Variants in KIF24 observed in about 807,000 individuals in gnomAD.
The protein encoded by KIF24 is kinesin-like protein KIF24.
A neutral mutation model predicts 118.9 loss-of-function variants in KIF24; 81 were observed. That is an observed-to-expected ratio of 0.68 (90% CI 0.57 to 0.82). The LOEUF (loss-of-function observed/expected upper bound fraction) is 0.82, where lower values mean the gene tolerates loss of function less well. Among genes scored for constraint, KIF24 ranks in the 40% least tolerant of loss-of-function variants. KIF24 has a pLI of 0.00. For synonymous variants in KIF24, 599 were observed against 610.0 expected (o/e 0.98, Z 0.27); for missense variants, 1,560 against 1,661.6 (o/e 0.94, Z 1.06).
intron 1 of KIF24, among the ~76,000 whole-genome samples, chr9:34,323,324 C>T (rs1022222148): frequency 2.6e-5 from 4 of 152,156 alleles, no homozygotes; most frequent in Non-Finnish European, 5.9e-5. Context: ...TACAATTCCC[C>T]TCAAGAGCCC....
chr9:34,298,073 A>T (rs1460822058), intron 3 of KIF24, among the ~76,000 whole-genome samples: 1 of 152,156 alleles, frequency 6.6e-6, no homozygotes, highest in Admixed American at 6.6e-5. Context: ...AATGGACCAC[A>T]GGGGAAGAAG....
At position 34,257,178 on chromosome 9, in the gene KIF24, G is replaced by A; in HGVS notation, c.2429C>T (p.Ser810Phe). ...LTNETPPLFH[S>F]YSENHDGAQV... ...GGCTCCATCATGGTTTTCAGAGTAA[G>A]AGTGGAACAGAGGCGGAGTCTCATT... is the stretch of plus-strand genomic sequence containing the variant. The change falls in exon 11 of 13, where the codon TCT (serine) becomes TTT (phenylalanine). Residue 810 changes from serine to phenylalanine, a missense_variant. Physicochemically the swap from Ser to Phe is radical, Grantham distance 155. Around this residue, in one of 3 missense-constraint regions of KIF24, gnomAD observed 964 missense variants for 988.0 expected, o/e 0.98. Coordinates refer to ENST00000402558, the MANE Select transcript of KIF24 (RefSeq NM_194313.4). 6.2e-7 allele frequency: 1 copy of A among 1,614,050 alleles called. No homozygotes were observed. Among genetic ancestry groups the A allele is most frequent in the East Asian group, 2.2e-5 (1 of 44,886 alleles).
rs556794515 is a variant in KIF24, at chr9:34,286,081, C to A, written c.1215+536G>T. On this transcript the variant is annotated intron_variant, in intron 6 of 12. Transcript: ENST00000402558. ...GGGTGCGGTGGCTCACGGCTGTAATCCCAGCACTTTGGGAGGTCGAGGCGG... is the reference window on the plus strand; with the variant it reads ...GGGTGCGGTGGCTCACGGCTGTAATACCAGCACTTTGGGAGGTCGAGGCGG... Among the ~76,000 whole-genome samples, 149 of 152,104 alleles carry A rather than the reference C, an allele frequency of 9.8e-4. 1 individual carries two copies. The highest frequency in any genetic ancestry group is 3.2e-3 in the African/African-American group (134 of 41,504).
chr9:34,327,836 A>C (rs1441788757), intron 1 of KIF24, among the ~76,000 whole-genome samples: 7 of 66,246 alleles, frequency 1.1e-4, no homozygotes, highest in Non-Finnish European at 2.8e-4. Flanking sequence ...CATTTTCTCT[A>C]ATAAAAAAAA....
At chr9:34,272,330 C>T (rs943733260) in intron 6 of KIF24, among the ~76,000 whole-genome samples, 16 of 152,220 alleles carry the variant, frequency 1.1e-4, no homozygotes, top group African/African-American at 3.6e-4. Flanking sequence ...TGACTAATCA[C>T]ATCCACCTGT....
At chr9:34,289,000 T>C (rs191141111) in intron 5 of KIF24, among the ~76,000 whole-genome samples, 51 of 152,084 alleles carry the variant, frequency 3.4e-4, no homozygotes, top group African/African-American at 9.2e-4. Flanking sequence ...GAAGCTGTGA[T>C]TGAGCTAATT....
intron 6 of KIF24, among the ~76,000 whole-genome samples, chr9:34,280,629 C>A (rs1587933625): frequency 1.3e-5 from 2 of 152,230 alleles, no homozygotes; most frequent in East Asian, 1.9e-4. Flanking sequence ...CTTCAGCATG[C>A]CCCACACACT....
intron 6 of KIF24, among the ~76,000 whole-genome samples, chr9:34,280,301 A>G: frequency 6.6e-6 from 1 of 150,388 alleles, no homozygotes; most frequent in Non-Finnish European, 1.5e-5. Context: ...AAAAAAAAAA[A>G]AAAAAAAAAA....
chr9:34,260,824 A>C (rs773788104), intron 9 of KIF24, among the ~76,000 whole-genome samples: 1 of 152,044 alleles, frequency 6.6e-6, no homozygotes, highest in Non-Finnish European at 1.5e-5. Context: ...TACAAAAGTT[A>C]GTGAGGCATG....
At chr9:34,263,738 A>AAT (rs1345620502) in intron 8 of KIF24, among the ~76,000 whole-genome samples, 2 of 137,658 alleles carry the variant, frequency 1.5e-5, no homozygotes, top group Non-Finnish European at 3.1e-5. Context: ...TTTTTTCTTA[A>AAT]TTTTTTTTTT....
chr9:34,259,376 T>G (rs1834969985), intron 10 of KIF24, among the ~76,000 whole-genome samples: 1 of 152,222 alleles, frequency 6.6e-6, no homozygotes, highest in Non-Finnish European at 1.5e-5. Context: ...CTTGTCATGC[T>G]TGCAAAGTGA....
Position 34,265,135 on chromosome 9 carries a change from A to C in KIF24, c.1444-1963T>G, listed in dbSNP as rs146843008. ...CTTCTTTGAATGTGGCTTATTTTAC[A>C]ATTTTTACTTTAAAACCACATAATT... On this transcript the variant is annotated intron_variant, in intron 8 of 12. Transcript: ENST00000402558. 1.1e-3 allele frequency among the ~76,000 whole-genome samples: 169 copies of C among 152,264 alleles called. 1 individual carries two copies. Among genetic ancestry groups the C allele is most frequent in the African/African-American group, 3.9e-3 (162 of 41,538 alleles).
chr9:34,327,934 A>G (rs1166346903), intron 1 of KIF24, among the ~76,000 whole-genome samples: 7 of 152,054 alleles, frequency 4.6e-5, no homozygotes, highest in Non-Finnish European at 1.0e-4. Context: ...CCAAACCCAC[A>G]TGTAGTGGGT....
At chr9:34,305,475 A>G (rs1251858262) in intron 3 of KIF24, among the ~76,000 whole-genome samples, 1 of 152,246 alleles carries the variant, frequency 6.6e-6, no homozygotes, top group Non-Finnish European at 1.5e-5. Context: ...CCCAAGTCTC[A>G]AAGTCAGCAG....
intron 8 of KIF24, among the ~76,000 whole-genome samples, chr9:34,266,748 C>T (rs975862639): frequency 1.3e-5 from 2 of 150,766 alleles, no homozygotes; most frequent in Admixed American, 6.6e-5. Context: ...ATGGCTGATT[C>T]GAGGTCTGGA....
chr9:34,306,246 T>C lies in KIF24; in HGVS notation c.813+6A>G. 1 of 1,564,622 alleles carries C rather than the reference T, an allele frequency of 6.4e-7. No individual in the cohort carries two copies. Among genetic ancestry groups the C allele is most frequent in the Non-Finnish European group, 8.7e-7 (1 of 1,154,008 alleles). ...TAGTTCCAAACATAAAACGAAAACATCATACCTGCAGAATATATTGAGTGA... is the reference window on the plus strand; with the variant it reads ...TAGTTCCAAACATAAAACGAAAACACCATACCTGCAGAATATATTGAGTGA... On this transcript the variant is annotated splice_donor_region_variant and intron_variant, in intron 3 of 12. Transcript: ENST00000402558.
At chr9:34,283,980 G>A (rs1835947444) in intron 6 of KIF24, among the ~76,000 whole-genome samples, 1 of 152,150 alleles carries the variant, frequency 6.6e-6, no homozygotes, top group Non-Finnish European at 1.5e-5. Context: ...GCAGCATTTA[G>A]TGTAGCTGAA....
rs370643511 is a variant in KIF24 at position 34,263,173 on chromosome 9, C to T, written c.1444-1G>A. ...CCAGTGCTCGGATACATTCCTTCAG[C>T]TGCAAAGTGGGAGAACAAGCACATC... On this transcript the variant is annotated splice_acceptor_variant, in intron 8 of 12. Coordinates refer to ENST00000402558, the MANE Select transcript of KIF24 (RefSeq NM_194313.4). LOFTEE classifies it high-confidence loss of function. 2.5e-6 allele frequency: 4 copies of T among 1,612,154 alleles called. No individual in the cohort carries two copies. Among genetic ancestry groups the T allele is most frequent in the South Asian group, 1.1e-5 (1 of 90,698 alleles).
At chr9:34,287,124 G>C (rs1836081635) in intron 5 of KIF24, among the ~76,000 whole-genome samples, 1 of 152,172 alleles carries the variant, frequency 6.6e-6, no homozygotes, top group Middle Eastern at 3.2e-3. Context: ...GTGGCCCTGG[G>C]AGCAGTGGAA....
Sources: allele counts gnomAD v4.1 joint callset (sites outside exome capture counted in the v4.1 genomes callset), GRCh38; gene constraint gnomAD v4.1.1; regional missense constraint gnomAD v4.1.1; transcripts MANE v1.5; gene names NCBI Gene and HGNC (gene_info 2026-07-23, HGNC 2026-07-21).